The following ZNF311 variants were observed in gnomAD, a reference collection of about 807,000 sequenced individuals.
ZNF311 encodes zinc finger protein 311.
In ZNF311, 14 loss-of-function variants were observed where a neutral mutation model predicts 22.7. The ratio of observed to expected loss-of-function variants is 0.62; its 90% CI spans 0.41 to 0.96. ZNF311 has a LOEUF of 0.96. Ranked by LOEUF, ZNF311 falls within the 40% of genes least tolerant of loss-of-function variation. The pLI, the probability that ZNF311 is intolerant of heterozygous loss-of-function variation, is 0.00. For synonymous variants in ZNF311, 250 were observed against 275.3 expected (o/e 0.91, Z 0.91); for missense variants, 731 against 799.0 (o/e 0.91, Z 1.03).
chr6:28,995,427 T>A lies in ZNF311; in HGVS notation c.1575A>T (p.Lys525Asn), dbSNP rs771947242. The change falls in exon 7 of 7, where the codon AAA becomes AAT. Residue 525 changes from lysine (K) to asparagine (N), a missense_variant. Lys to Asn is a moderately conservative substitution (Grantham distance 94). Coordinates refer to ENST00000377179, the MANE Select transcript of ZNF311 (RefSeq NM_001382360.1). The surrounding 1 kb of genome is among the most constrained non-coding windows in gnomAD (Gnocchi z 4.7). ...TCCCACACTCTAAACATTTGTAAGGTTTCTCTCCAGTGTGGATTCTCTGAT... is the reference window on the plus strand; with the variant it reads ...TCCCACACTCTAAACATTTGTAAGGATTCTCTCCAGTGTGGATTCTCTGAT... ...TIHQRIHTGEKPYKCLECGKA... is the reference protein window; with the variant it reads ...TIHQRIHTGENPYKCLECGKA... 8 of 1,613,992 alleles carry A rather than the reference T, an allele frequency of 5.0e-6. No individual in the cohort carries two copies. The highest frequency in any genetic ancestry group is 6.8e-6 in the Non-Finnish European group (8 of 1,180,030).
At chr6:29,005,474 G>A (rs2150743167), upstream of ZNF311, among the ~76,000 whole-genome samples, 1 of 152,046 alleles carries the variant, frequency 6.6e-6, no homozygotes, top group South Asian at 2.1e-4. Flanking sequence ...GCAACCCCAG[G>A]GGCCCGGGTA....
At position 28,995,224 on chromosome 6, in the gene ZNF311, C is replaced by T. The variant is rs1328703852; in HGVS notation, c.1778G>A (p.Arg593His). The change falls in exon 7 of 7, where the codon CGT becomes CAT. Residue 593 changes from arginine to histidine, a missense_variant. Arg to His is a conservative substitution (Grantham distance 29). Coordinates refer to ENST00000377179, the MANE Select transcript of ZNF311 (RefSeq NM_001382360.1). The surrounding 1 kb of genome is among the most constrained non-coding windows in gnomAD (Gnocchi z 4.7). ...YTCSECGTSF[R>H]QGSALIGHKR... is the part of the protein sequence containing the mutation. Reference sequence around the variant, plus strand: ...ATGTCCAATCAGAGCTGAGCCCTGACGGAAGGACGTGCCACACTCACTGCA... The same window carrying T: ...ATGTCCAATCAGAGCTGAGCCCTGATGGAAGGACGTGCCACACTCACTGCA... 29 of 1,613,944 alleles carry T rather than the reference C, an allele frequency of 1.8e-5. No individual in the cohort carries two copies. Among genetic ancestry groups the T allele is most frequent in the Middle Eastern group, 3.3e-4 (2 of 6,084 alleles).
In ZNF311 at chr6:28,995,825, C is replaced by T. The variant is rs765712189; in HGVS notation, c.1177G>A (p.Gly393Arg). The T allele has an allele frequency of 7.4e-6, 12 of 1,613,942 alleles. No homozygotes were observed. Among genetic ancestry groups the T allele is most frequent in the African/African-American group, 6.7e-5 (5 of 74,904 alleles). The change falls in exon 7 of 7, where the codon GGG (glycine) becomes AGG (arginine). Residue 393 changes from glycine (G) to arginine (R), a missense_variant. Gly to Arg is a moderately radical substitution (Grantham distance 125). Transcript: ENST00000377179. The surrounding 1 kb of genome is among the most constrained non-coding windows in gnomAD (Gnocchi z 4.7). Reference protein sequence around the residue: ...GEKPYECEECGKAFSGSSDLT... With the variant: ...GEKPYECEECRKAFSGSSDLT... ...TCTGAACTCCCACTGAAGGCCTTCC[C>T]GCACTCCTCACATTCATATGGCTTC...
Position 28,996,354 on chromosome 6 carries a change from T to C in ZNF311, c.648A>G (p.Lys216=), listed in dbSNP as rs1779586548. ...TAAGCACTTTCTGGTTCTTTCCTTT[T>C]TTGCAGGTCACTTCCTCAGAGCCTT... is the stretch of plus-strand genomic sequence containing the variant. ...EKEGSEEVTC[K]KGKNQKVLSK... is the part of the protein sequence containing the mutation. Residue 216 remains lysine (K), a synonymous_variant, in exon 7 of 7, where the codon AAA becomes AAG. Transcript: ENST00000377179. 1 of 1,612,280 alleles carries C rather than the reference T, an allele frequency of 6.2e-7. No homozygotes were observed.
chr6:29,002,002 C>T (rs938439748), intron 3 of ZNF311, among the ~76,000 whole-genome samples: 6 of 152,170 alleles, frequency 3.9e-5, no homozygotes, highest in African/African-American at 1.4e-4. Context: ...GTAACTCATT[C>T]CCTACTGGTT....
chr6:28,998,357 A>G (rs1779929896), intron 6 of ZNF311, among the ~76,000 whole-genome samples: 1 of 151,862 alleles, frequency 6.6e-6, no homozygotes, highest in Non-Finnish European at 1.5e-5. Flanking sequence ...ACACCCAGCT[A>G]ATTTTTGTAT....
At chr6:28,997,937 C>T (rs949282991) in intron 6 of ZNF311, among the ~76,000 whole-genome samples, 4 of 152,092 alleles carry the variant, frequency 2.6e-5, no homozygotes, top group African/African-American at 9.7e-5. Context: ...CTTAAGAAAA[C>T]TCCCAAAAAA....
chr6:28,998,627 G>C (rs1301508147), intron 6 of ZNF311, 107 bp downstream of exon 6: 3 of 710,894 alleles, frequency 4.2e-6, no homozygotes, highest in Non-Finnish European at 6.9e-6. Context: ...TCCTAAATGG[G>C]TTTCCTTTCT....
At position 28,996,284 on chromosome 6, in the gene ZNF311, C is replaced by T; in HGVS notation, c.718G>A (p.Val240Ile). 3.1e-6 allele frequency: 5 copies of T among 1,613,024 alleles called. No individual in the cohort carries two copies. The Middle Eastern group carries it at 6.6e-4, about 213-fold the overall frequency. The change falls in exon 7 of 7, where the codon GTT becomes ATT. Residue 240 changes from valine to isoleucine, a missense_variant. Coordinates refer to ENST00000377179, the MANE Select transcript of ZNF311 (RefSeq NM_001382360.1). ...PNSKHSQCNKVLIAQKLHECA... is the reference protein window; with the variant it reads ...PNSKHSQCNKILIAQKLHECA... ...TCATGGAGTTTCTGTGCTATAAGAACTTTATTACATTGACTATGTTTTGAG... is the reference window on the plus strand; with the variant it reads ...TCATGGAGTTTCTGTGCTATAAGAATTTTATTACATTGACTATGTTTTGAG...
chr6:28,996,583 G>T lies in ZNF311; in HGVS notation c.419C>A (p.Ser140Ter), dbSNP rs773216810. 6.3e-7 allele frequency: 1 copy of T among 1,585,946 alleles called. No individual in the cohort carries two copies. Among genetic ancestry groups the T allele is most frequent in the East Asian group, 2.2e-5 (1 of 44,794 alleles). ...ATTCTCAGGCCACATCTTGTCAGCT[G>T]ACACTTAAACAAGAAAATACAAATG... ...RESLSCSYPV[S>*]ADKMWPENEK... Residue 140 changes from serine (S) to a stop codon, truncating the protein, a stop_gained, in exon 7 of 7, where the codon TCA becomes TAA. Transcript: ENST00000377179. LOFTEE classifies it low-confidence loss of function (END_TRUNC).
At chr6:29,004,313 T>G in intron 1 of ZNF311, 99 bp from the exon 2 acceptor site, 5 of 746,058 alleles carry the variant, frequency 6.7e-6, no homozygotes, top group Non-Finnish European at 9.3e-6. Flanking sequence ...AATGTGAACA[T>G]ATCCAGAATA....
rs752357772 is a variant in ZNF311 at position 28,998,763 on chromosome 6, T to G, written c.386A>C (p.Asp129Ala). The G allele has an allele frequency of 6.2e-7, 1 of 1,612,810 alleles. No homozygotes were observed. Among genetic ancestry groups the G allele is most frequent in the Non-Finnish European group, 8.5e-7 (1 of 1,179,902 alleles). Residue 129 changes from aspartate to alanine, a missense_variant, in exon 6 of 7, where the codon GAC (aspartate) becomes GCC (alanine). Transcript: ENST00000377179. ...EVDPCVQDPQ[D>A]RESLSCSYPV... ...GTAGGAGCAGCTTAGGGACTCCCTG[T>G]CCTGTGGATCCTGCACACAGGGGTC...
In ZNF311 at chr6:28,996,066, GA is replaced by G. The variant is rs754977321; in HGVS notation, c.935del (p.Phe312SerfsTer95). On this transcript the variant is annotated frameshift_variant, in exon 7 of 7. Coordinates refer to ENST00000377179, the MANE Select transcript of ZNF311 (RefSeq NM_001382360.1). LOFTEE classifies it low-confidence loss of function (END_TRUNC). ...PFNCTQCGKA[F>X]NSRSALCRHK... ...GTCGGCAAAGAGCTGATCTACTGTT[GA>G]AAGCCTTCCCACACTGGGTGCAATT... 3.1e-6 allele frequency: 5 copies of G among 1,613,234 alleles called. No individual in the cohort carries two copies. In the African/African-American group the frequency reaches 5.3e-5, roughly 17 times the overall value.
At chr6:29,001,336 A>C (rs1038547462) in intron 3 of ZNF311, among the ~76,000 whole-genome samples, 1 of 152,244 alleles carries the variant, frequency 6.6e-6, no homozygotes, top group African/African-American at 2.4e-5. Flanking sequence ...AAACCGATTT[A>C]GAACCAAGCT....
chr6:28,999,642 A>G (rs773810911), intron 4 of ZNF311, 29 bp from the exon 5 acceptor site: 1 of 1,600,290 alleles, frequency 6.2e-7, no homozygotes, highest in East Asian at 2.2e-5. Flanking sequence ...GCTATCCTGG[A>G]GAAAACGCCA....
chr6:28,996,254 C>T lies in ZNF311; in HGVS notation c.748G>A (p.Ala250Thr). 1 of 1,613,210 alleles carries T rather than the reference C, an allele frequency of 6.2e-7. No homozygotes were observed. The highest frequency in any genetic ancestry group is 8.5e-7 in the Non-Finnish European group (1 of 1,180,044). The change falls in exon 7 of 7, where the codon GCC becomes ACC. Residue 250 changes from alanine (A) to threonine (T), a missense_variant. Physicochemically the swap from Ala to Thr is moderately conservative, Grantham distance 58. Coordinates refer to ENST00000377179, the MANE Select transcript of ZNF311 (RefSeq NM_001382360.1). ...CAACTGAAGTTTTTGCCACACCTGGCACATTCATGGAGTTTCTGTGCTATA... is the reference window on the plus strand; with the variant it reads ...CAACTGAAGTTTTTGCCACACCTGGTACATTCATGGAGTTTCTGTGCTATA... The part of the protein sequence containing the change: ...VLIAQKLHEC[A>T]RCGKNFSWHS...
intron 4 of ZNF311, 22 bp from the exon 5 acceptor site, chr6:28,999,635 A>T (rs762204696): frequency 9.4e-6 from 15 of 1,603,426 alleles, no homozygotes; most frequent in Non-Finnish European, 1.3e-5. Flanking sequence ...TGCTCCTGCT[A>T]TCCTGGAGAA....
In ZNF311 at chr6:28,996,203, G is replaced by C. The variant is rs780300338; in HGVS notation, c.799C>G (p.Gln267Glu). Reference sequence around the variant, plus strand: ...TGGGGTTTCTCACCAGAATGAATTTGCTCATGGAGAATTAGATCTGAGTGC... The same window carrying C: ...TGGGGTTTCTCACCAGAATGAATTTCCTCATGGAGAATTAGATCTGAGTGC... Reference protein sequence around the residue: ...SWHSDLILHEQIHSGEKPHVC... With the variant: ...SWHSDLILHEEIHSGEKPHVC... Residue 267 changes from glutamine to glutamate, a missense_variant, in exon 7 of 7, where the codon CAA (glutamine) becomes GAA (glutamate). Physicochemically the swap from Gln to Glu is conservative, Grantham distance 29. Coordinates refer to ENST00000377179, the MANE Select transcript of ZNF311 (RefSeq NM_001382360.1). 2.5e-6 allele frequency: 4 copies of C among 1,613,480 alleles called. No homozygotes were observed. Among genetic ancestry groups the C allele is most frequent in the South Asian group, 1.1e-5 (1 of 91,092 alleles).
intron 6 of ZNF311, among the ~76,000 whole-genome samples, chr6:28,997,133 G>A (rs974924756): frequency 2.6e-5 from 4 of 152,144 alleles, no homozygotes; most frequent in Non-Finnish European, 5.9e-5. Flanking sequence ...GTGATCTGAC[G>A]GCAGGTAAGG....
Sources: gnomAD v4.1 joint callset for allele counts (sites outside exome capture counted in the v4.1 genomes callset) on GRCh38, gnomAD v4.1.1 for gene constraint, Gnocchi (gnomAD v3.1) non-coding constraint, MANE v1.5 for transcripts, NCBI Gene and HGNC (gene_info 2026-07-23, HGNC 2026-07-21) for gene names.